Variants in RIMBP2 observed in about 807,000 individuals in gnomAD.
The protein encoded by RIMBP2 is RIMS-binding protein 2.
Under a neutral mutation model 118.6 loss-of-function variants are expected in RIMBP2, and 48 were observed. That is an observed-to-expected ratio of 0.40 (90% confidence interval 0.32 to 0.51). The LOEUF is 0.51. RIMBP2 is among the 20% of genes least tolerant of loss of function. The pLI is 0.41. For missense variants in RIMBP2, 1,551 were observed against 1,768.3 expected, an observed-to-expected ratio of 0.88 and a Z score of 2.20; for synonymous variants, 762 against 742.9, an observed-to-expected ratio of 1.03 and a Z score of -0.42.
At chr12:130,650,058 T>C (rs1299608030) in intron 1 of RIMBP2, among the ~76,000 whole-genome samples, 1 of 150,160 alleles carries the variant, frequency 6.7e-6, no homozygotes, top group Non-Finnish European at 1.5e-5. Flanking sequence ...GAGGACCTGC[T>C]CCTCCAGTGT....
intron 2 of RIMBP2, among the ~76,000 whole-genome samples, chr12:130,606,977 G>A (rs962517112): frequency 6.6e-5 from 10 of 151,994 alleles, no homozygotes; most frequent in African/African-American, 2.4e-5. Context: ...GATTATAGGC[G>A]CTTGCCACCA....
chr12:130,573,713 G>A (rs564203347), intron 2 of RIMBP2, among the ~76,000 whole-genome samples: 18 of 152,186 alleles, frequency 1.2e-4, no homozygotes, highest in African/African-American at 4.3e-4. Flanking sequence ...GCAGGAGTGG[G>A]GCAGGAGGGT....
At chr12:130,667,121 G>GAGAGGGA (rs2063978189) in intron 1 of RIMBP2, among the ~76,000 whole-genome samples, 1 of 59,212 alleles carries the variant, frequency 1.7e-5, no homozygotes, top group Non-Finnish European at 3.8e-5. Context: ...GAATGAGGGA[G>GAGAGGGA]GGAAGGAAGG....
In RIMBP2 at chr12:130,647,930, C is replaced by T. The variant is rs2063058506; in HGVS notation, c.-351-19474G>A. 1.5e-5 allele frequency among the ~76,000 whole-genome samples: 2 copies of T among 134,996 alleles called. 1 individual carries two copies. The highest frequency in any genetic ancestry group is 3.5e-5 in the Non-Finnish European group (2 of 57,458). The allele number at this position is 134,996 out of a possible 152,430, so 88.6% of individuals were successfully genotyped here. A position where few individuals can be genotyped will look rare whatever the true frequency, so the allele number is the denominator to read the frequency against. On this transcript the variant is annotated intron_variant, in intron 1 of 22. Transcript: ENST00000690449. ...ATGCCTCTCTTTCTCATGCTGCAAA[C>T]CTCGGTGTGGCTGTTTGGCCCGACT...
chr12:130,524,418 CT>C (rs1566194489), intron 2 of RIMBP2, among the ~76,000 whole-genome samples: 2 of 152,052 alleles, frequency 1.3e-5, no homozygotes, highest in Non-Finnish European at 2.9e-5. Flanking sequence ...GGGGATACAC[CT>C]CATGAGTGAC....
chr12:130,480,960 A>G (rs1036306233), intron 4 of RIMBP2, among the ~76,000 whole-genome samples: 2 of 152,216 alleles, frequency 1.3e-5, no homozygotes, highest in East Asian at 3.9e-4. Context: ...TTCGCAAGTC[A>G]TGAGGTCGGA....
chr12:130,623,155 G>A lies in RIMBP2; in HGVS notation c.-217+5167C>T, dbSNP rs2061423790. Among the ~76,000 whole-genome samples the A allele has an allele frequency of 6.6e-6, 1 of 152,156 alleles. No individual in the cohort carries two copies. Among genetic ancestry groups the A allele is most frequent in the South Asian group, 2.1e-4 (1 of 4,832 alleles). The stretch of plus-strand genomic sequence containing the variant: ...TTAAAGACTGAGGTAATTCCATCCT[G>A]CATTATTGAATTTAAAAAGCATATT... On this transcript the variant is annotated intron_variant, in intron 2 of 22. Coordinates refer to ENST00000690449, the MANE Select transcript of RIMBP2 (RefSeq NM_001393629.1). The surrounding 1 kb of genome is among the most constrained non-coding windows in gnomAD (Gnocchi z 4.1).
intron 5 of RIMBP2, among the ~76,000 whole-genome samples, chr12:130,472,919 C>T (rs543930677): frequency 1.3e-5 from 2 of 152,104 alleles, no homozygotes; most frequent in Non-Finnish European, 2.9e-5. Flanking sequence ...AAAACTGTTC[C>T]TTTCAAAGCA....
chr12:130,603,363 C>A (rs533177795), intron 2 of RIMBP2, among the ~76,000 whole-genome samples: 108 of 152,260 alleles, frequency 7.1e-4, no homozygotes, highest in Non-Finnish European at 1.5e-3. Flanking sequence ...CTAACTTCAA[C>A]GGACTCAACA....
chr12:130,562,304 T>C lies in RIMBP2; in HGVS notation c.-216-44387A>G, dbSNP rs143468154. Among the ~76,000 whole-genome samples the C allele has an allele frequency of 2.3e-3, 347 of 152,266 alleles. 3 individuals carry two copies. Among genetic ancestry groups the C allele is most frequent in the Admixed American group, 0.019 (284 of 15,298 alleles). On this transcript the variant is annotated intron_variant, in intron 2 of 22. Transcript: ENST00000690449. ...AGAGTGGAGTTTTATCTGCTAGAAA[T>C]AGAAAAAGCAATTTAAGCTAGCTTA...
At chr12:130,672,410 C>G (rs1301483871) in intron 1 of RIMBP2, among the ~76,000 whole-genome samples, 1 of 152,254 alleles carries the variant, frequency 6.6e-6, no homozygotes. Flanking sequence ...GGATTGAGCT[C>G]AGGCTCACAT....
At chr12:130,647,968 T>C (rs569239686) in intron 1 of RIMBP2, among the ~76,000 whole-genome samples, 2 of 128,324 alleles carry the variant, frequency 1.6e-5, no homozygotes, top group South Asian at 4.5e-4. Context: ...AGTGGGTGAG[T>C]TGGACCCCAG....
chr12:130,603,623 G>A (rs988465641), intron 2 of RIMBP2, among the ~76,000 whole-genome samples: 8 of 152,180 alleles, frequency 5.3e-5, no homozygotes, highest in African/African-American at 1.9e-4. Flanking sequence ...ACGAGCTGAG[G>A]AACAATGTTT....
intron 13 of RIMBP2, among the ~76,000 whole-genome samples, chr12:130,435,797 G>A (rs1217692333): frequency 6.6e-6 from 1 of 152,248 alleles, no homozygotes; most frequent in Non-Finnish European, 1.5e-5. Flanking sequence ...GTGCTGCCGG[G>A]GCAGCCCCAC....
intron 2 of RIMBP2, among the ~76,000 whole-genome samples, chr12:130,594,768 T>C (rs2059457940): frequency 6.6e-6 from 1 of 152,180 alleles, no homozygotes; most frequent in Non-Finnish European, 1.5e-5. Context: ...CTATGATTTA[T>C]GGTCCCAAAA....
intron 1 of RIMBP2, among the ~76,000 whole-genome samples, chr12:130,662,654 CA>C (rs539623749): frequency 2.7e-4 from 39 of 145,300 alleles, no homozygotes; most frequent in Admixed American, 2.1e-4. Flanking sequence ...GACTCCGTCT[CA>C]AAAAAAAAAA....
Position 130,621,342 on chromosome 12 carries a change from C to T in RIMBP2, c.-217+6980G>A, listed in dbSNP as rs1317392680. Among the ~76,000 whole-genome samples, 1 of 152,146 alleles carries T rather than the reference C, an allele frequency of 6.6e-6. No homozygotes were observed. Among genetic ancestry groups the T allele is most frequent in the African/African-American group, 2.4e-5 (1 of 41,432 alleles). On this transcript the variant is annotated intron_variant, in intron 2 of 22. Transcript: ENST00000690449. This position sits in a 1 kb window ranked among gnomAD's most constrained non-coding sequence, Gnocchi z 6.6. ...ATGATAATACAATGTGGGAACAGCG[C>T]CAGGCCTGTGAACTCCAAGTGCACC...
In RIMBP2 at chr12:130,523,205, G is replaced by T. The variant is rs768758891; in HGVS notation, c.-216-5288C>A. ...TCTCTGTCTCTATTTCTCTGTGTTG[G>T]GGGGGGTTTCTCTGCCTCCATCTCT... On this transcript the variant is annotated intron_variant, in intron 2 of 22. Coordinates refer to ENST00000690449, the MANE Select transcript of RIMBP2 (RefSeq NM_001393629.1). The surrounding 1 kb of genome is among the most constrained non-coding windows in gnomAD (Gnocchi z 4.4). Among the ~76,000 whole-genome samples, 1 of 151,836 alleles carries T rather than the reference G, an allele frequency of 6.6e-6. No homozygotes were observed. The highest frequency in any genetic ancestry group is 1.5e-5 in the Non-Finnish European group (1 of 67,924).
chr12:130,692,911 T>TAGGATAGGGTAGGGC (rs2065390995), intron 1 of RIMBP2, among the ~76,000 whole-genome samples: 1 of 149,186 alleles, frequency 6.7e-6, no homozygotes. Flanking sequence ...TAGGGTAGGG[T>TAGGATAGGGTAGGGC]AGGATAGGGT....
Sources: allele counts gnomAD v4.1 joint callset (sites outside exome capture counted in the v4.1 genomes callset), GRCh38; gene constraint gnomAD v4.1.1; non-coding constraint Gnocchi (gnomAD v3.1); transcripts MANE v1.5; gene names NCBI Gene and HGNC (gene_info 2026-07-23, HGNC 2026-07-21).